The following DHDDS variants were observed in gnomAD, a reference collection of about 807,000 sequenced individuals.
DHDDS encodes dehydrodolichyl diphosphate synthase subunit.
A neutral mutation model predicts 46.2 loss-of-function variants in DHDDS; 16 were observed. The ratio of observed to expected loss-of-function variants is 0.35; its 90% confidence interval spans 0.23 to 0.53. DHDDS has a LOEUF of 0.53. DHDDS is among the 20% of genes least tolerant of loss of function. The pLI is 0.94. For synonymous variants in DHDDS, 151 were observed against 163.1 expected (o/e 0.93, Z 0.56); for missense variants, 340 against 423.7 (o/e 0.80, Z 1.73).
chr1:26,433,797 G>A (rs890896175), intron 2 of DHDDS, among the ~76,000 whole-genome samples: 2 of 151,964 alleles, frequency 1.3e-5, no homozygotes, highest in Non-Finnish European at 2.9e-5. Flanking sequence ...GTGCAATGGC[G>A]CAATCTTGGC....
At chr1:26,461,365 A>G (rs2075419823) in intron 8 of DHDDS, among the ~76,000 whole-genome samples, 1 of 151,494 alleles carries the variant, frequency 6.6e-6, no homozygotes, top group Non-Finnish European at 1.5e-5. Context: ...TAAACTTATC[A>G]TGGAAACACA....
intron 3 of DHDDS, among the ~76,000 whole-genome samples, chr1:26,439,225 C>T (rs939523612): frequency 1.3e-5 from 2 of 152,140 alleles, no homozygotes; most frequent in African/African-American, 4.8e-5. Flanking sequence ...GCCACTGCAC[C>T]CGGCCAACAT....
At chr1:26,467,738 T>C (rs192609651) in intron 8 of DHDDS, among the ~76,000 whole-genome samples, 3 of 152,196 alleles carry the variant, frequency 2.0e-5, no homozygotes, top group Admixed American at 2.0e-4. Flanking sequence ...GTGGGAAGGG[T>C]CATCAGGGTA....
chr1:26,440,669 A>G (rs1042305605), intron 3 of DHDDS, among the ~76,000 whole-genome samples: 7 of 152,198 alleles, frequency 4.6e-5, no homozygotes, highest in African/African-American at 1.7e-4. Context: ...CAAGGTCTTT[A>G]GGGCCTGAGG....
intron 3 of DHDDS, among the ~76,000 whole-genome samples, chr1:26,438,916 T>G (rs942713587): frequency 3.9e-5 from 6 of 152,206 alleles, no homozygotes; most frequent in African/African-American, 1.4e-4. Flanking sequence ...TCAGTAACCT[T>G]ATTTTCACTT....
intron 8 of DHDDS, among the ~76,000 whole-genome samples, chr1:26,465,298 C>A (rs1274614330): frequency 2.0e-5 from 3 of 152,204 alleles, no homozygotes; most frequent in Admixed American, 6.5e-5. Context: ...TATATTTCTT[C>A]TGCTCTTCAG....
At chr1:26,454,233 G>A (rs55755393) in intron 6 of DHDDS, among the ~76,000 whole-genome samples, 28,706 of 152,000 alleles carry the variant, frequency 0.19, 3,687 homozygotes, top group Middle Eastern at 0.28. Context: ...GATTACAGGC[G>A]TGAGCCACCG....
intron 3 of DHDDS, among the ~76,000 whole-genome samples, chr1:26,439,761 C>T (rs1279920225): frequency 6.6e-6 from 1 of 152,156 alleles, no homozygotes; most frequent in Non-Finnish European, 1.5e-5. Flanking sequence ...AGGTCATGAA[C>T]ATTTTATGGT....
rs1421859239 is a variant in DHDDS at position 26,471,136 on chromosome 1, C to T, written c.*2005C>T. On this transcript the variant is annotated 3_prime_UTR_variant, in exon 9 of 9. Coordinates refer to ENST00000236342, the MANE Select transcript of DHDDS (RefSeq NM_205861.3). ...TGCAAAATAGTAGAACTCGTGGTTGCTTTGGACAGGTGTGATTTGTGCAAG... is the reference window on the plus strand; with the variant it reads ...TGCAAAATAGTAGAACTCGTGGTTGTTTTGGACAGGTGTGATTTGTGCAAG... 2.0e-5 allele frequency: 3 copies of T among 152,332 alleles called. No homozygotes were observed. Among genetic ancestry groups the T allele is most frequent in the Admixed American group, 2.0e-4 (3 of 15,298 alleles). 9.4% of individuals were successfully genotyped at this position (152,332 alleles called of 1,614,324 possible).
intron 5 of DHDDS, among the ~76,000 whole-genome samples, 161 bp from the exon 6 acceptor site, chr1:26,447,397 CA>C (rs1196153608): frequency 6.6e-6 from 1 of 151,972 alleles, no homozygotes; most frequent in Non-Finnish European, 1.5e-5. Flanking sequence ...ACTTGGAAAC[CA>C]CAAAAAACTC....
chr1:26,446,523 A>G lies in DHDDS; in HGVS notation c.440+91A>G, dbSNP rs1168230616. 1.6e-5 allele frequency: 20 copies of G among 1,270,692 alleles called. No homozygotes were observed. In the East Asian group the frequency reaches 4.7e-4, roughly 30 times the overall value. 78.7% of individuals were successfully genotyped at this position (1,270,692 alleles called of 1,614,324 possible). A position where few individuals can be genotyped will look rare whatever the true frequency, so the allele number is the denominator to read the frequency against. ...ACGTCCTGGGCTTTCCTTGGTCTGG[A>G]TTGGTGCAAGGGGCAATGAGAGAGT... On this transcript the variant is annotated intron_variant, in intron 5 of 8. Coordinates refer to ENST00000236342, the MANE Select transcript of DHDDS (RefSeq NM_205861.3).
intron 8 of DHDDS, among the ~76,000 whole-genome samples, chr1:26,461,890 G>C (rs2075426065): frequency 6.6e-6 from 1 of 152,148 alleles, no homozygotes; most frequent in East Asian, 1.9e-4. Context: ...CTGTCAGTGG[G>C]GAATGAATAT....
chr1:26,449,872 G>A (rs889126340), intron 6 of DHDDS, among the ~76,000 whole-genome samples: 16 of 152,266 alleles, frequency 1.1e-4, no homozygotes, highest in African/African-American at 3.1e-4. Flanking sequence ...TTAGACTTAC[G>A]TTACAGTGGA....
At position 26,432,847 on chromosome 1, in the gene DHDDS, C is replaced by T. The variant is rs1295931691; in HGVS notation, c.-55-44C>T. The stretch of plus-strand genomic sequence containing the variant: ...TCCCCAGAAGTCAGTTATAGCTCTT[C>T]GCAAACCTTGGTGACTTCTTATTTT... On this transcript the variant is annotated intron_variant, in intron 1 of 8. Transcript: ENST00000236342. 6.5e-5 allele frequency: 87 copies of T among 1,335,290 alleles called. 1 individual carries two copies. In the Admixed American group the frequency reaches 7.7e-4, roughly 12 times the overall value. The allele number at this position is 1,335,290 out of a possible 1,614,324, so 82.7% of individuals were successfully genotyped here. A position where few individuals can be genotyped will look rare whatever the true frequency, so the allele number is the denominator to read the frequency against.
intron 8 of DHDDS, chr1:26,467,192 G>A: frequency 2.7e-6 from 1 of 376,158 alleles, no homozygotes; most frequent in South Asian, 1.9e-5. Context: ...TTGCATCGTG[G>A]CACTCTGTGT....
chr1:26,446,225 A>C (rs2124424851), intron 4 of DHDDS, 91 bp from the exon 5 acceptor site: 1 of 1,136,446 alleles, frequency 8.8e-7, no homozygotes. Flanking sequence ...GAAAGCACTC[A>C]AAAAACTGGT....
At chr1:26,449,760 T>C (rs2075302439) in intron 6 of DHDDS, among the ~76,000 whole-genome samples, 2 of 152,078 alleles carry the variant, frequency 1.3e-5, no homozygotes, top group South Asian at 4.1e-4. Flanking sequence ...GGTTTCACTA[T>C]GTTGGCCAGG....
intron 2 of DHDDS, among the ~76,000 whole-genome samples, chr1:26,437,238 C>T (rs1477650135): frequency 6.6e-6 from 1 of 152,008 alleles, no homozygotes; most frequent in Non-Finnish European, 1.5e-5. Context: ...TGTTTTTCCA[C>T]CTGTAAAATG....
rs944798534 is a variant in DHDDS, at chr1:26,442,601, C to T, written c.181-130C>T. 7 of 1,079,490 alleles carry T rather than the reference C, an allele frequency of 6.5e-6. No homozygotes were observed. In the African/African-American group the frequency reaches 1.1e-4, roughly 17 times the overall value. 66.9% of individuals were successfully genotyped at this position (1,079,490 alleles called of 1,614,324 possible). ...GACATAAACACTGATGTTATCCTAG[C>T]TTCACCCAGCTTTGGGGAGGAGAAA... On this transcript the variant is annotated intron_variant, in intron 3 of 8. Coordinates refer to ENST00000236342, the MANE Select transcript of DHDDS (RefSeq NM_205861.3).
Sources: gnomAD v4.1 joint callset for allele counts (sites outside exome capture counted in the v4.1 genomes callset) on GRCh38, gnomAD v4.1.1 for gene constraint, MANE v1.5 for transcripts, NCBI Gene and HGNC (gene_info 2026-07-23, HGNC 2026-07-21) for gene names.